Variants in ASXL2 observed in about 807,000 individuals in gnomAD.
ASXL2 encodes ASXL transcriptional regulator 2.
ASXL2 carries 23 observed loss-of-function variants against 122.0 expected under a neutral mutation model. The observed-to-expected ratio is 0.19, with a 90% CI of 0.14 to 0.27. The LOEUF (loss-of-function observed/expected upper bound fraction) is 0.27, where lower values mean the gene tolerates loss of function less well. ASXL2 is among the 10% of genes least tolerant of loss of function. The probability of loss-of-function intolerance (pLI) is 1.00; values close to 1 mark genes in which losing one functional copy is unlikely to be tolerated. For missense variants in ASXL2, 1,518 were observed against 1,713.8 expected, an observed-to-expected ratio of 0.89 and a Z score of 2.02; for synonymous variants, 650 against 637.0, an observed-to-expected ratio of 1.02 and a Z score of -0.31.
At chr2:25,855,337 G>A (rs969824468) in intron 1 of ASXL2, among the ~76,000 whole-genome samples, 3 of 152,104 alleles carry the variant, frequency 2.0e-5, no homozygotes, top group African/African-American at 7.2e-5. Context: ...TTTGAGCCCA[G>A]GAGTTAGAGA....
At chr2:25,758,318 C>G (rs1001604800) in intron 9 of ASXL2, among the ~76,000 whole-genome samples, 3 of 152,174 alleles carry the variant, frequency 2.0e-5, no homozygotes, top group Non-Finnish European at 4.4e-5. Flanking sequence ...TTACTACGAA[C>G]AAGAGAGTAT....
chr2:25,806,350 G>A lies in ASXL2; in HGVS notation c.144-13C>T. The A allele has an allele frequency of 6.4e-7, 1 of 1,562,744 alleles. No homozygotes were observed. The highest frequency in any genetic ancestry group is 8.8e-7 in the Non-Finnish European group (1 of 1,137,884). On this transcript the variant is annotated splice_polypyrimidine_tract_variant and intron_variant, in intron 3 of 12. Transcript: ENST00000435504. ...AGGAGAAGTCCCACTGCAAAACAAA[G>A]AAGAGATGTGATAAGGAACACAACA... is the stretch of plus-strand genomic sequence containing the variant.
chr2:25,748,492 C>T (rs766356579), intron 12 of ASXL2, among the ~76,000 whole-genome samples: 37 of 144,062 alleles, frequency 2.6e-4, no homozygotes, highest in Non-Finnish European at 4.1e-4. Flanking sequence ...GACAACAGAA[C>T]GAGACTCCGT....
At chr2:25,813,847 G>A (rs1482871500) in intron 3 of ASXL2, among the ~76,000 whole-genome samples, 1 of 152,098 alleles carries the variant, frequency 6.6e-6, no homozygotes, top group Non-Finnish European at 1.5e-5. Context: ...TCAGGAGATC[G>A]AGACCATCCT....
intron 3 of ASXL2, among the ~76,000 whole-genome samples, chr2:25,816,164 A>G (rs1179301256): frequency 6.6e-6 from 1 of 151,602 alleles, no homozygotes; most frequent in Non-Finnish European, 1.5e-5. Flanking sequence ...TGAGCTGATC[A>G]CTTGAATCCA....
chr2:25,804,994 G>A (rs2089060450), intron 4 of ASXL2, among the ~76,000 whole-genome samples: 1 of 152,124 alleles, frequency 6.6e-6, no homozygotes, highest in Non-Finnish European at 1.5e-5. Flanking sequence ...AGGTTGTAGC[G>A]AACCAAGACT....
intron 3 of ASXL2, among the ~76,000 whole-genome samples, chr2:25,834,847 G>C (rs2089490018): frequency 6.6e-6 from 1 of 151,758 alleles, no homozygotes; most frequent in Non-Finnish European, 1.5e-5. Flanking sequence ...TTTTTAGACG[G>C]AGTCTTGCTG....
In ASXL2 at chr2:25,736,928, T is replaced by C. The variant is rs909256345; in HGVS notation, c.*5101A>G. ...ATTTTGCTCCTATCATATCCTAAAA[T>C]CAAGTATTTACTTTGCAGCCACAAA... is the stretch of plus-strand genomic sequence containing the variant. On this transcript the variant is annotated 3_prime_UTR_variant, in exon 13 of 13. Transcript: ENST00000435504. 1 of 152,180 alleles carries C rather than the reference T, an allele frequency of 6.6e-6. No individual in the cohort carries two copies. Among genetic ancestry groups the C allele is most frequent in the Non-Finnish European group, 1.5e-5 (1 of 68,026 alleles). The allele number at this position is 152,180 out of a possible 1,614,324, so 9.4% of individuals were successfully genotyped here.
At chr2:25,803,866 A>AAAGG (rs1429379320) in intron 4 of ASXL2, among the ~76,000 whole-genome samples, 2 of 152,174 alleles carry the variant, frequency 1.3e-5, no homozygotes, top group African/African-American at 4.8e-5. Context: ...TCTAATTGTT[A>AAAGG]AAGGACATCC....
intron 1 of ASXL2, among the ~76,000 whole-genome samples, chr2:25,877,078 T>C (rs986102128): frequency 3.9e-5 from 6 of 152,304 alleles, no homozygotes; most frequent in African/African-American, 9.6e-5. Context: ...ACAGTGAACA[T>C]TACTTTTATA....
intron 1 of ASXL2, among the ~76,000 whole-genome samples, chr2:25,860,545 C>A (rs1574452802): frequency 6.6e-6 from 1 of 150,974 alleles, no homozygotes; most frequent in South Asian, 2.1e-4. Context: ...AAACCCCGTA[C>A]CTACTAAAAA....
chr2:25,737,076 T>C lies in ASXL2; in HGVS notation c.*4953A>G, dbSNP rs1400590165. Reference sequence around the variant, plus strand: ...GACCCAGAGGAGTTCAAAATTCAAGTGTCAAATGCTGAAATAGAACCTAAT... The same window carrying C: ...GACCCAGAGGAGTTCAAAATTCAAGCGTCAAATGCTGAAATAGAACCTAAT... On this transcript the variant is annotated 3_prime_UTR_variant, in exon 13 of 13. Transcript: ENST00000435504. The C allele has an allele frequency of 6.6e-6, 1 of 152,104 alleles. No homozygotes were observed. Among genetic ancestry groups the C allele is most frequent in the Non-Finnish European group, 1.5e-5 (1 of 68,000 alleles). 9.4% of individuals were successfully genotyped at this position (152,104 alleles called of 1,614,324 possible).
chr2:25,774,127 G>A (rs1048201979), intron 5 of ASXL2, among the ~76,000 whole-genome samples: 11 of 151,722 alleles, frequency 7.3e-5, no homozygotes, highest in African/African-American at 2.4e-4. Flanking sequence ...GTGGAAGGAG[G>A]GTGAGGATAA....
intron 2 of ASXL2, among the ~76,000 whole-genome samples, chr2:25,840,688 GT>G (rs1421600128): frequency 3.9e-5 from 6 of 152,164 alleles, no homozygotes; most frequent in African/African-American, 1.4e-4. Flanking sequence ...ACTGTAGCAT[GT>G]ATCAGAATTT....
intron 3 of ASXL2, chr2:25,823,061 C>A: frequency 2.3e-6 from 1 of 444,410 alleles, no homozygotes; most frequent in East Asian, 6.0e-5. Flanking sequence ...CTGTATTTGC[C>A]TACTTTGACC....
chr2:25,807,953 G>A (rs531949633), intron 3 of ASXL2, among the ~76,000 whole-genome samples: 231 of 145,702 alleles, frequency 1.6e-3, no homozygotes, highest in African/African-American at 5.8e-3. Context: ...CAGCCCGGGG[G>A]TAAATCCTAA....
At chr2:25,821,399 A>T (rs912814247) in intron 3 of ASXL2, among the ~76,000 whole-genome samples, 2 of 152,070 alleles carry the variant, frequency 1.3e-5, no homozygotes, top group African/African-American at 2.4e-5. Context: ...GGAGGGAAAA[A>T]AAAAAAGGAA....
At chr2:25,829,109 A>C (rs944599420) in intron 3 of ASXL2, among the ~76,000 whole-genome samples, 12 of 152,162 alleles carry the variant, frequency 7.9e-5, no homozygotes, top group African/African-American at 2.4e-5. Context: ...TAGGAAATAA[A>C]AAGTAGGCCA....
intron 10 of ASXL2, 141 bp downstream of exon 10, chr2:25,755,877 G>A (rs996982280): frequency 9.6e-5 from 66 of 686,308 alleles, no homozygotes; most frequent in African/African-American, 4.8e-4. Context: ...GTTTAACAAC[G>A]TGTTCCACAC....
Sources: allele counts gnomAD v4.1 joint callset (sites outside exome capture counted in the v4.1 genomes callset), GRCh38; gene constraint gnomAD v4.1.1; transcripts MANE v1.5; gene names NCBI Gene and HGNC (gene_info 2026-07-23, HGNC 2026-07-21).